Variants in SLCO1C1 observed in about 807,000 individuals in gnomAD.
The protein encoded by SLCO1C1 is solute carrier organic anion transporter family member 1C1, also known as OAT-RP-5.
SLCO1C1 carries 70 observed loss-of-function variants against 76.4 expected under a neutral mutation model. The ratio of observed to expected loss-of-function variants is 0.92; its 90% CI spans 0.76 to 1.12. SLCO1C1 has a LOEUF of 1.12. Ranked by LOEUF, SLCO1C1 falls within the 50% of genes most tolerant of loss-of-function variation. SLCO1C1 has a pLI of 0.00. For missense variants in SLCO1C1, 912 were observed against 823.8 expected (o/e 1.11, Z -1.31); for synonymous variants, 306 against 286.1 (o/e 1.07, Z -0.70).
intron 3 of SLCO1C1, among the ~76,000 whole-genome samples, chr12:20,704,685 G>A (rs187702565): frequency 6.6e-6 from 1 of 150,664 alleles, no homozygotes; most frequent in East Asian, 2.0e-4. Flanking sequence ...GTTTACTAAA[G>A]CTGGCAATGT....
rs1565514548 is a variant in SLCO1C1 at position 20,717,205 on chromosome 12, T to C, written c.750T>C (p.Tyr250=). 1 of 1,592,286 alleles carries C rather than the reference T, an allele frequency of 6.3e-7. No individual in the cohort carries two copies. ...TAGGCTCATTATGTGCCAAACTATA[T>C]GTTGACATTGGCTTTGTAAACCTAG... is the stretch of plus-strand genomic sequence containing the variant. ...FLLGSLCAKL[Y]VDIGFVNLDH... is the part of the protein sequence containing the mutation. Residue 250 remains tyrosine, a synonymous_variant, in exon 7 of 15, where the codon TAT becomes TAC. Transcript: ENST00000266509.
intron 7 of SLCO1C1, among the ~76,000 whole-genome samples, chr12:20,719,532 A>C (rs186567544): frequency 1.2e-3 from 187 of 152,348 alleles, no homozygotes; most frequent in Non-Finnish European, 1.9e-4. Context: ...GCAGGAATTT[A>C]TAAAAGTGAT....
intron 13 of SLCO1C1, among the ~76,000 whole-genome samples, chr12:20,744,419 T>C (rs1472879717): frequency 6.6e-6 from 1 of 152,126 alleles, no homozygotes; most frequent in East Asian, 1.9e-4. Context: ...ACTTGCAATT[T>C]ATGTAACAGA....
At chr12:20,709,143 T>A (rs184579415) in intron 4 of SLCO1C1, among the ~76,000 whole-genome samples, 30 of 152,286 alleles carry the variant, frequency 2.0e-4, no homozygotes, top group African/African-American at 6.5e-4. Flanking sequence ...AGGATTTGAA[T>A]GCGGGTCAGA....
At chr12:20,750,828 A>G (rs1282263231) in intron 14 of SLCO1C1, 36 bp downstream of exon 14, 1 of 1,613,922 alleles carries the variant, frequency 6.2e-7, no homozygotes, top group Non-Finnish European at 8.5e-7. Context: ...TCTCATTGCT[A>G]CAGCATCCCA....
chr12:20,708,115 T>C (rs545870044), intron 4 of SLCO1C1, among the ~76,000 whole-genome samples: 48 of 152,136 alleles, frequency 3.2e-4, no homozygotes, highest in Non-Finnish European at 6.6e-4. Context: ...TAGTAACTAA[T>C]TGGGTACTTA....
At position 20,701,934 on chromosome 12, in the gene SLCO1C1, T is replaced by A. The variant is rs76846523; in HGVS notation, c.271+475T>A. ...CCACCCAGTGGTCTAGAAAGAAGAA[T>A]AAAGGGATTCTATTACCAAGAACAC... is the stretch of plus-strand genomic sequence containing the variant. On this transcript the variant is annotated intron_variant, in intron 3 of 14. Coordinates refer to ENST00000266509, the MANE Select transcript of SLCO1C1 (RefSeq NM_017435.5). Among the ~76,000 whole-genome samples the A allele has an allele frequency of 2.2e-3, 330 of 151,934 alleles. 8 individuals carry two copies. In the East Asian group the frequency reaches 0.058, roughly 27 times the overall value.
intron 4 of SLCO1C1, among the ~76,000 whole-genome samples, chr12:20,710,771 ATAAAG>A (rs1947050590): frequency 6.6e-6 from 1 of 152,218 alleles, no homozygotes; most frequent in African/African-American, 2.4e-5. Flanking sequence ...ACAACTCTAA[ATAAAG>A]TATTCTGATG....
intron 9 of SLCO1C1, among the ~76,000 whole-genome samples, chr12:20,731,869 T>A (rs1377178797): frequency 1.2e-5 from 1 of 85,406 alleles, no homozygotes; most frequent in Admixed American, 1.1e-4. Context: ...TGCATGACAT[T>A]TTTTTTTACT....
intron 4 of SLCO1C1, among the ~76,000 whole-genome samples, chr12:20,708,226 C>T (rs531891350): frequency 5.0e-4 from 76 of 152,016 alleles, no homozygotes; most frequent in Non-Finnish European, 9.6e-4. Flanking sequence ...TGGATAGCAA[C>T]TATTGAGGGC....
At chr12:20,726,213 T>C (rs1196637437) in intron 9 of SLCO1C1, among the ~76,000 whole-genome samples, 1 of 151,686 alleles carries the variant, frequency 6.6e-6, no homozygotes, top group Non-Finnish European at 1.5e-5. Flanking sequence ...ATTATTTCTC[T>C]CTTTCTTTTC....
chr12:20,747,329 T>G (rs1202411380), intron 13 of SLCO1C1, among the ~76,000 whole-genome samples: 1 of 152,050 alleles, frequency 6.6e-6, no homozygotes, highest in African/African-American at 2.4e-5. Flanking sequence ...TCGGGGAGTC[T>G]GAGTCACAAG....
chr12:20,699,799 C>T, intron 2 of SLCO1C1, 94 bp downstream of exon 2: 2 of 1,288,474 alleles, frequency 1.6e-6, no homozygotes, highest in East Asian at 2.9e-5. Context: ...TTGTTTTCTC[C>T]TTTAAAAAAA....
At chr12:20,743,081 G>A (rs1013397299) in intron 12 of SLCO1C1, among the ~76,000 whole-genome samples, 2 of 152,120 alleles carry the variant, frequency 1.3e-5, no homozygotes, top group Non-Finnish European at 2.9e-5. Flanking sequence ...TATGGGTGAT[G>A]TAGTTTCTAG....
intron 9 of SLCO1C1, among the ~76,000 whole-genome samples, chr12:20,724,425 A>G (rs1171318447): frequency 3.8e-5 from 4 of 105,674 alleles, no homozygotes; most frequent in African/African-American, 1.3e-4. Context: ...ATATATATAT[A>G]TATATATATA....
chr12:20,704,148 T>C (rs1421322320), intron 3 of SLCO1C1, among the ~76,000 whole-genome samples: 1 of 151,622 alleles, frequency 6.6e-6, no homozygotes, highest in Admixed American at 6.6e-5. Flanking sequence ...AGATTTTGTA[T>C]CATCATTTAT....
At position 20,740,349 on chromosome 12, in the gene SLCO1C1, G is replaced by A; in HGVS notation, c.1714G>A (p.Gly572Arg). The change falls in exon 12 of 15, where the codon GGA becomes AGA. Residue 572 changes from glycine to arginine, a missense_variant. Coordinates refer to ENST00000266509, the MANE Select transcript of SLCO1C1 (RefSeq NM_017435.5). ...TACTTTATCCCTAGGTGGCATACCT[G>A]GATACATATTACTTCTGAGGTGAGT... ...SYTLSLGGIP[G>R]YILLLRCIKP... 10 of 1,612,732 alleles carry A rather than the reference G, an allele frequency of 6.2e-6. No homozygotes were observed. The highest frequency in any genetic ancestry group is 6.8e-6 in the Non-Finnish European group (8 of 1,179,446).
At chr12:20,699,495 A>T (rs1592213247) in intron 1 of SLCO1C1, 57 bp from the exon 2 acceptor site, 1 of 1,384,760 alleles carries the variant, frequency 7.2e-7, no homozygotes, top group Non-Finnish European at 9.5e-7. Flanking sequence ...TGAATAAAAA[A>T]ATTTAATAAA....
At chr12:20,698,242 ATTTT>A (rs776084065) in intron 1 of SLCO1C1, among the ~76,000 whole-genome samples, 1 of 151,476 alleles carries the variant, frequency 6.6e-6, no homozygotes, top group Non-Finnish European at 1.5e-5. Context: ...TGTTTTGCTT[ATTTT>A]TTGTTTTTAA....
Sources: gnomAD v4.1 joint callset for allele counts (sites outside exome capture counted in the v4.1 genomes callset) on GRCh38, gnomAD v4.1.1 for gene constraint, MANE v1.5 for transcripts, NCBI Gene and HGNC (gene_info 2026-07-23, HGNC 2026-07-21) for gene names.